The following MTA3 variants were observed in gnomAD, a reference collection of about 807,000 sequenced individuals.
MTA3 encodes the protein metastasis associated 1 family member 3.
MTA3 carries 34 observed loss-of-function variants against 83.5 expected under a neutral mutation model. The observed-to-expected ratio is 0.41, with a 90% CI of 0.31 to 0.54. The LOEUF (loss-of-function observed/expected upper bound fraction) is 0.54. MTA3 is among the 20% of genes least tolerant of loss of function. MTA3 has a pLI of 0.33. For missense variants in MTA3, 761 were observed against 726.4 expected, an observed-to-expected ratio of 1.05 and a Z score of -0.55; for synonymous variants, 303 against 252.7, an observed-to-expected ratio of 1.20 and a Z score of -1.89.
In MTA3 at chr2:42,542,060, T is replaced by G. The variant is rs1337848954; in HGVS notation, c.-140-28377T>G. On this transcript the variant is annotated intron_variant, in intron 2 of 17. Coordinates refer to the MTA3 transcript ENST00000405592. The stretch of plus-strand genomic sequence containing the variant: ...GTGTGTGCTGTCTCCTTTCTGGAAC[T>G]ACACTGATAATCCCTGCTTTATTCT... 2.6e-5 allele frequency among the ~76,000 whole-genome samples: 4 copies of G among 152,210 alleles called. No individual in the cohort carries two copies. In the East Asian group the frequency reaches 7.7e-4, roughly 29 times the overall value.
At chr2:42,537,023 AT>A (rs1267597382) in intron 2 of MTA3, among the ~76,000 whole-genome samples, 1 of 152,160 alleles carries the variant, frequency 6.6e-6, no homozygotes, top group Non-Finnish European at 1.5e-5. Flanking sequence ...TCTTCAATAT[AT>A]TGTAGCATGT....
rs114940095 is a variant in MTA3 at position 42,545,773 on chromosome 2, C to T, written c.-140-24664C>T. On this transcript the variant is annotated intron_variant, in intron 2 of 17. Coordinates refer to the MTA3 transcript ENST00000405592. ...GATACAAAAGCAGATAGCTTACATA[C>T]ATGGATGGACATTGAGGCTCATGGA... Among the ~76,000 whole-genome samples, 525 of 152,234 alleles carry T rather than the reference C, an allele frequency of 3.4e-3. 5 individuals carry two copies. Among genetic ancestry groups the T allele is most frequent in the African/African-American group, 0.012 (481 of 41,516 alleles).
At chr2:42,503,921 C>CTTTTTT (rs34028665) in intron 2 of MTA3, among the ~76,000 whole-genome samples, 1 of 111,254 alleles carries the variant, frequency 9.0e-6, no homozygotes, top group Non-Finnish European at 1.7e-5. Context: ...GAACCACATT[C>CTTTTTT]TTTTTTTTTT....
intron 8 of MTA3, among the ~76,000 whole-genome samples, chr2:42,675,221 CG>C (rs1691230655): frequency 6.6e-6 from 1 of 151,974 alleles, no homozygotes; most frequent in Non-Finnish European, 1.5e-5. Flanking sequence ...CTGCAACAGC[CG>C]CCTCCTGAGT....
At chr2:42,539,556 A>C (rs897435827) in intron 2 of MTA3, among the ~76,000 whole-genome samples, 1 of 151,614 alleles carries the variant, frequency 6.6e-6, no homozygotes, top group African/African-American at 2.4e-5. Context: ...GGACACAGCA[A>C]AACCATTATC....
chr2:42,607,056 GGAGGTA>G (rs1193055979), intron 3 of MTA3, among the ~76,000 whole-genome samples: 84 of 141,060 alleles, frequency 6.0e-4, no homozygotes, highest in African/African-American at 1.6e-3. Context: ...GAGGGAGACC[GGAGGTA>G]GAGGTAGGGG....
At chr2:42,609,177 C>T (rs765118840) in intron 3 of MTA3, among the ~76,000 whole-genome samples, 7 of 151,770 alleles carry the variant, frequency 4.6e-5, no homozygotes, top group Non-Finnish European at 8.8e-5. Flanking sequence ...ATTACAGGCG[C>T]CCACCACCAT....
At chr2:42,544,587 A>G (rs1676674577) in intron 2 of MTA3, among the ~76,000 whole-genome samples, 1 of 149,914 alleles carries the variant, frequency 6.7e-6, no homozygotes, top group Non-Finnish European at 1.5e-5. Flanking sequence ...CACTCAGAGC[A>G]AGTGTTGGCC....
At chr2:42,577,511 C>T (rs1418759473) in intron 2 of MTA3, among the ~76,000 whole-genome samples, 5 of 147,842 alleles carry the variant, frequency 3.4e-5, no homozygotes, top group Non-Finnish European at 7.4e-5. Context: ...GACGGATTGT[C>T]ACTGTGTCAC....
intron 2 of MTA3, among the ~76,000 whole-genome samples, chr2:42,549,423 A>G (rs1316183309): frequency 8.9e-6 from 1 of 112,668 alleles, no homozygotes; most frequent in East Asian, 2.3e-4. Context: ...TATATTATAT[A>G]ATATATAATA....
At chr2:42,641,208 GTT>G (rs1165358003) in intron 5 of MTA3, among the ~76,000 whole-genome samples, 14 of 131,710 alleles carry the variant, frequency 1.1e-4, no homozygotes, top group Admixed American at 1.5e-4. Flanking sequence ...TGCCTGGCCG[GTT>G]TTTTTTTTTT....
intron 2 of MTA3, chr2:42,511,787 G>A (rs1674909553): frequency 6.6e-6 from 1 of 152,260 alleles, no homozygotes; most frequent in Non-Finnish European, 1.5e-5. Flanking sequence ...GGGAGGCTAA[G>A]GCGGGCGGAT....
intron 9 of MTA3, among the ~76,000 whole-genome samples, chr2:42,685,116 G>C (rs1040748392): frequency 1.3e-5 from 2 of 152,166 alleles, no homozygotes; most frequent in African/African-American, 4.8e-5. Context: ...AGGACTAGAA[G>C]ATAACTCTGT....
intron 4 of MTA3, among the ~76,000 whole-genome samples, chr2:42,634,111 TCAA>T (rs949061417): frequency 6.6e-6 from 1 of 152,212 alleles, no homozygotes; most frequent in Non-Finnish European, 1.5e-5. Flanking sequence ...GGGATGCTGC[TCAA>T]CATCCTGTAG....
intron 2 of MTA3, among the ~76,000 whole-genome samples, chr2:42,577,864 A>G (rs1679227853): frequency 1.3e-5 from 2 of 152,212 alleles, no homozygotes; most frequent in African/African-American, 4.8e-5. Context: ...GAAGACAGAA[A>G]TGACTAAGAG....
chr2:42,509,971 G>T (rs1170495366), intron 2 of MTA3, among the ~76,000 whole-genome samples: 1 of 152,060 alleles, frequency 6.6e-6, no homozygotes, highest in Non-Finnish European at 1.5e-5. Flanking sequence ...CATTCTGGTA[G>T]AGAAGGTCTT....
chr2:42,742,887 G>C (rs1669135161), intron 16 of MTA3, among the ~76,000 whole-genome samples: 1 of 152,168 alleles, frequency 6.6e-6, no homozygotes, highest in South Asian at 2.1e-4. Flanking sequence ...GGATTTGCTT[G>C]AAGGTAGATG....
intron 6 of MTA3, among the ~76,000 whole-genome samples, chr2:42,652,899 A>T (rs1414348135): frequency 2.6e-5 from 4 of 152,184 alleles, no homozygotes; most frequent in Non-Finnish European, 5.9e-5. Flanking sequence ...ATATAATATA[A>T]AAAGTATAGT....
intron 2 of MTA3, among the ~76,000 whole-genome samples, chr2:42,550,823 A>G (rs1474571927): frequency 1.3e-5 from 2 of 152,102 alleles, no homozygotes; most frequent in African/African-American, 4.8e-5. Flanking sequence ...GGGTGGATCA[A>G]CTGAGGTCAG....
Sources: gnomAD v4.1 joint callset for allele counts (sites outside exome capture counted in the v4.1 genomes callset) on GRCh38, gnomAD v4.1.1 for gene constraint, MANE v1.5 for transcripts, NCBI Gene and HGNC (gene_info 2026-07-23, HGNC 2026-07-21) for gene names.